Variants in NT5E observed in about 807,000 individuals in gnomAD.
NT5E encodes the protein 5'-nucleotidase.
NT5E carries 53 observed loss-of-function variants against 55.1 expected under a neutral mutation model. The observed-to-expected ratio is 0.96, with a 90% CI of 0.77 to 1.21. The LOEUF (loss-of-function observed/expected upper bound fraction) is 1.21. Among genes scored for constraint, NT5E ranks in the 50% most tolerant of loss-of-function variants. NT5E has a pLI of 0.00. For missense variants in NT5E, 683 were observed against 724.3 expected, an observed-to-expected ratio of 0.94 and a Z score of 0.65; for synonymous variants, 270 against 278.4, an observed-to-expected ratio of 0.97 and a Z score of 0.30.
At chr6:85,489,813 T>G (rs1338776334) in intron 6 of NT5E, among the ~76,000 whole-genome samples, 1 of 152,202 alleles carries the variant, frequency 6.6e-6, no homozygotes, top group Admixed American at 6.5e-5. Context: ...TGTTCTTATA[T>G]GTATTCACAC....
At chr6:85,488,700 C>A (rs1375237440) in intron 5 of NT5E, among the ~76,000 whole-genome samples, 2 of 152,084 alleles carry the variant, frequency 1.3e-5, no homozygotes, top group African/African-American at 2.4e-5. Flanking sequence ...CCTGCTTCAG[C>A]CTCCCAAGTA....
intron 2 of NT5E, among the ~76,000 whole-genome samples, chr6:85,469,527 G>C (rs933243107): frequency 1.3e-5 from 2 of 152,198 alleles, no homozygotes; most frequent in African/African-American, 4.8e-5. Context: ...TAAGCAGGAG[G>C]GGAATGGCAA....
chr6:85,458,913 G>A (rs188742667), intron 1 of NT5E, among the ~76,000 whole-genome samples: 8 of 152,302 alleles, frequency 5.3e-5, no homozygotes, highest in African/African-American at 1.9e-4. Context: ...GAACCCCAGG[G>A]TGTTTCCTGC....
Position 85,459,992 on chromosome 6 carries a change from A to G in NT5E, c.340-7068A>G, listed in dbSNP as rs1223568762. On this transcript the variant is annotated intron_variant, in intron 1 of 8. Coordinates refer to ENST00000257770, the MANE Select transcript of NT5E (RefSeq NM_002526.4). Reference sequence around the variant, plus strand: ...AAAGTTTGGCTTGTAATTCACATGAATTCTCTATACAGGCCAAAAACTACC... The same window carrying G: ...AAAGTTTGGCTTGTAATTCACATGAGTTCTCTATACAGGCCAAAAACTACC... 2.0e-5 allele frequency among the ~76,000 whole-genome samples: 3 copies of G among 152,360 alleles called. No homozygotes were observed. In the South Asian group the frequency reaches 6.2e-4, roughly 32 times the overall value.
rs755981561 is a variant in NT5E at position 85,489,446 on chromosome 6, A to T, written c.1105-48A>T. 15 of 1,209,124 alleles carry T rather than the reference A, an allele frequency of 1.2e-5. No homozygotes were observed. In the African/African-American group the frequency reaches 2.9e-4, roughly 23 times the overall value. The allele number at this position is 1,209,124 out of a possible 1,614,324, so 74.9% of individuals were successfully genotyped here. A position where few individuals can be genotyped will look rare whatever the true frequency, so the allele number is the denominator to read the frequency against. ...AACCAGATTCCTGGAGCTGATCCTA[A>T]GGAAGAAGAGCCAGAGTAACTAGTG... On this transcript the variant is annotated intron_variant, in intron 5 of 8. Transcript: ENST00000257770.
At chr6:85,478,818 A>G (rs564184794) in intron 3 of NT5E, among the ~76,000 whole-genome samples, 2 of 151,820 alleles carry the variant, frequency 1.3e-5, no homozygotes, top group Non-Finnish European at 2.9e-5. Context: ...CTGCTCATGT[A>G]TTATCTCTCT....
chr6:85,488,514 C>G (rs1769714353), intron 5 of NT5E, among the ~76,000 whole-genome samples: 1 of 152,100 alleles, frequency 6.6e-6, no homozygotes, highest in South Asian at 2.1e-4. Flanking sequence ...CAGTGCTTAT[C>G]CACTCTGTTA....
At position 85,472,982 on chromosome 6, in the gene NT5E, A is replaced by G. The variant is rs1041696011; in HGVS notation, c.751+1557A>G. On this transcript the variant is annotated intron_variant, in intron 3 of 8. Coordinates refer to ENST00000257770, the MANE Select transcript of NT5E (RefSeq NM_002526.4). ...TCATAAGAATGATAAATATTGTTCC[A>G]TGGGAAAAGATGTATATAAGATGTC... is the stretch of plus-strand genomic sequence containing the variant. 2.6e-4 allele frequency among the ~76,000 whole-genome samples: 39 copies of G among 152,288 alleles called. 2 individuals carry two copies. The highest frequency in any genetic ancestry group is 7.9e-4 in the Admixed American group (12 of 15,284).
At position 85,494,041 on chromosome 6, in the gene NT5E, A is replaced by AT; in HGVS notation, c.*43dup. ...CCTTGCCTTTAATGTGTGAAACTGC[A>AT]TTTTTTCAAGTGAGATTCAAATCTG... On this transcript the variant is annotated 3_prime_UTR_variant, in exon 9 of 9. Transcript: ENST00000257770. 2 of 1,607,346 alleles carry AT rather than the reference A, an allele frequency of 1.2e-6. No homozygotes were observed. The highest frequency in any genetic ancestry group is 2.2e-5 in the East Asian group (1 of 44,762).
chr6:85,474,166 T>C (rs904151162), intron 3 of NT5E, among the ~76,000 whole-genome samples: 1 of 152,246 alleles, frequency 6.6e-6, no homozygotes, highest in Non-Finnish European at 1.5e-5. Context: ...ATATGACCTG[T>C]GCACATCCTC....
chr6:85,489,487 G>A lies in NT5E; in HGVS notation c.1105-7G>A, dbSNP rs545831469. On this transcript the variant is annotated splice_region_variant and splice_polypyrimidine_tract_variant and intron_variant, in intron 5 of 8. Coordinates refer to ENST00000257770, the MANE Select transcript of NT5E (RefSeq NM_002526.4). ...GTAACTAGTGTAAATCTGTGCTACT[G>A]TTGCAGATTAACAACAACCTGAGAC... is the stretch of plus-strand genomic sequence containing the variant. The A allele has an allele frequency of 3.1e-6, 5 of 1,588,754 alleles. No individual in the cohort carries two copies. The South Asian group carries it at 5.5e-5, about 18-fold the overall frequency.
rs78850954 is a variant in NT5E, at chr6:85,464,975, G to A, written c.340-2085G>A. On this transcript the variant is annotated intron_variant, in intron 1 of 8. Transcript: ENST00000257770. ...CCTGGTAAGCTTGGGACACTTTTGAGACATTGGGAGGAAATGACACATGGC... is the reference window on the plus strand; with the variant it reads ...CCTGGTAAGCTTGGGACACTTTTGAAACATTGGGAGGAAATGACACATGGC... Among the ~76,000 whole-genome samples the A allele has an allele frequency of 7.8e-3, 1,183 of 152,336 alleles. 14 individuals are homozygous for A. The highest frequency in any genetic ancestry group is 0.027 in the African/African-American group (1,103 of 41,576).
chr6:85,480,551 C>A (rs544248906), intron 3 of NT5E, among the ~76,000 whole-genome samples: 2 of 152,270 alleles, frequency 1.3e-5, no homozygotes, highest in South Asian at 2.1e-4. Context: ...CTAGCAGAAG[C>A]AGAGACAGCA....
intron 1 of NT5E, among the ~76,000 whole-genome samples, chr6:85,466,258 G>A (rs1260057526): frequency 6.6e-6 from 1 of 152,158 alleles, no homozygotes; most frequent in Non-Finnish European, 1.5e-5. Context: ...CAACCAGTGA[G>A]GAATGGGAGA....
At chr6:85,466,084 A>G (rs1218539573) in intron 1 of NT5E, among the ~76,000 whole-genome samples, 2 of 152,166 alleles carry the variant, frequency 1.3e-5, no homozygotes, top group Non-Finnish European at 1.5e-5. Flanking sequence ...CAGGAGGCCA[A>G]TGGAGGAAGG....
intron 3 of NT5E, among the ~76,000 whole-genome samples, chr6:85,476,508 G>T (rs1288375811): frequency 6.6e-6 from 1 of 152,192 alleles, no homozygotes; most frequent in African/African-American, 2.4e-5. Flanking sequence ...GCCGCAGAGG[G>T]CATGTGTTAC....
chr6:85,470,122 A>G (rs1343241233), intron 2 of NT5E, among the ~76,000 whole-genome samples: 2 of 152,218 alleles, frequency 1.3e-5, no homozygotes, highest in Non-Finnish European at 2.9e-5. Flanking sequence ...CTCCCTAGTC[A>G]CAGAGTACCA....
At chr6:85,493,194 C>T (rs1582390198) in intron 8 of NT5E, among the ~76,000 whole-genome samples, 1 of 152,174 alleles carries the variant, frequency 6.6e-6, no homozygotes, top group South Asian at 2.1e-4. Flanking sequence ...ACCAATGGCT[C>T]GGCCGCAGCT....
At chr6:85,486,257 G>A (rs1007207477) in intron 4 of NT5E, among the ~76,000 whole-genome samples, 1 of 152,188 alleles carries the variant, frequency 6.6e-6, no homozygotes, top group African/African-American at 2.4e-5. Flanking sequence ...TTCTAACAGA[G>A]CCTTAGAACA....
Sources: gnomAD v4.1 joint callset for allele counts (sites outside exome capture counted in the v4.1 genomes callset) on GRCh38, gnomAD v4.1.1 for gene constraint, MANE v1.5 for transcripts, NCBI Gene and HGNC (gene_info 2026-07-23, HGNC 2026-07-21) for gene names.